The following SPSB4 variants were observed in gnomAD, a reference collection of about 807,000 sequenced individuals.
SPSB4 encodes SPRY domain-containing SOCS box protein 4.
A neutral mutation model predicts 20.9 loss-of-function variants in SPSB4; 21 were observed. That is an observed-to-expected ratio of 1.01 (90% CI 0.71 to 1.45). SPSB4 has a LOEUF of 1.45. SPSB4 is among the 40% of genes most tolerant of loss of function. The pLI, the probability that SPSB4 is intolerant of heterozygous loss-of-function variation, is 0.00. For synonymous variants in SPSB4, 207 were observed against 183.8 expected, an observed-to-expected ratio of 1.13 and a Z score of -1.02; for missense variants, 399 against 399.2, an observed-to-expected ratio of 1.00 and a Z score of 0.00.
At chr3:141,067,436 C>T (rs1212801241) in intron 2 of SPSB4, among the ~76,000 whole-genome samples, 1 of 152,140 alleles carries the variant, frequency 6.6e-6, no homozygotes, top group Non-Finnish European at 1.5e-5. Context: ...TGACTTTTTC[C>T]AAGAGAGCCC....
chr3:141,114,350 A>G (rs1276997355), intron 2 of SPSB4, among the ~76,000 whole-genome samples: 4 of 152,084 alleles, frequency 2.6e-5, no homozygotes, highest in African/African-American at 9.7e-5. Flanking sequence ...CCTGCAGCTG[A>G]CCTGGCACGT....
intron 1 of SPSB4, among the ~76,000 whole-genome samples, chr3:141,061,619 T>C (rs1449272167): frequency 1.3e-5 from 2 of 151,636 alleles, no homozygotes; most frequent in African/African-American, 4.8e-5. Flanking sequence ...ATTTTAATAA[T>C]TAATATTAAT....
At chr3:141,139,139 C>T (rs1939278535) in intron 2 of SPSB4, among the ~76,000 whole-genome samples, 1 of 152,128 alleles carries the variant, frequency 6.6e-6, no homozygotes, top group Non-Finnish European at 1.5e-5. Flanking sequence ...TCTGTTTTAT[C>T]AGAGACTAGG....
At chr3:141,089,913 G>A (rs913968980) in intron 2 of SPSB4, among the ~76,000 whole-genome samples, 1 of 152,070 alleles carries the variant, frequency 6.6e-6, no homozygotes, top group Admixed American at 6.5e-5. Context: ...TTGTTGTTTT[G>A]AAAGCAGCTG....
intron 2 of SPSB4, among the ~76,000 whole-genome samples, chr3:141,067,036 A>G (rs549470111): frequency 1.3e-5 from 2 of 152,332 alleles, no homozygotes; most frequent in East Asian, 3.9e-4. Context: ...ACGATCAAAT[A>G]AAGTAATAGT....
chr3:141,113,180 C>T (rs1276857773), intron 2 of SPSB4, among the ~76,000 whole-genome samples: 1 of 152,116 alleles, frequency 6.6e-6, no homozygotes, highest in Non-Finnish European at 1.5e-5. Context: ...TGGAGGAATT[C>T]CTGGTGAGAA....
At chr3:141,133,343 G>A (rs545423071) in intron 2 of SPSB4, among the ~76,000 whole-genome samples, 26 of 152,224 alleles carry the variant, frequency 1.7e-4, no homozygotes, top group African/African-American at 5.3e-4. Flanking sequence ...TTTGCTTTTA[G>A]GTTCTTGGTC....
At chr3:141,128,991 T>G (rs917171131) in intron 2 of SPSB4, among the ~76,000 whole-genome samples, 1 of 152,218 alleles carries the variant, frequency 6.6e-6, no homozygotes, top group Non-Finnish European at 1.5e-5. Flanking sequence ...GAAGCTCTTC[T>G]TTCAGAGCCA....
chr3:141,111,870 G>C lies in SPSB4; in HGVS notation c.695-35272G>C, dbSNP rs527573835. ...GCCATATTCATTTCTCAGGATCGTG[G>C]AACCCAAAACCTGTTCCTCAGAAGA... On this transcript the variant is annotated intron_variant, in intron 2 of 2. Transcript: ENST00000310546. Among the ~76,000 whole-genome samples the C allele has an allele frequency of 2.0e-5, 3 of 152,226 alleles. No homozygotes were observed. The South Asian group carries it at 6.2e-4, about 32-fold the overall frequency.
chr3:141,121,551 A>G (rs1448187144), intron 2 of SPSB4, among the ~76,000 whole-genome samples: 1 of 152,230 alleles, frequency 6.6e-6, no homozygotes, highest in Non-Finnish European at 1.5e-5. Context: ...AGGAATACCA[A>G]TCAAACATAG....
chr3:141,062,023 C>T (rs1166769675), intron 1 of SPSB4, among the ~76,000 whole-genome samples: 1 of 152,224 alleles, frequency 6.6e-6, no homozygotes, highest in Admixed American at 6.5e-5. Context: ...GTGTGAGCCA[C>T]CAAGCCCAGC....
intron 1 of SPSB4, among the ~76,000 whole-genome samples, chr3:141,054,411 A>C (rs892789106): frequency 1.3e-5 from 2 of 152,236 alleles, no homozygotes; most frequent in African/African-American, 4.8e-5. Flanking sequence ...AACTATAAAA[A>C]ATTTTTAAAC....
At chr3:141,099,645 A>G in intron 2 of SPSB4, among the ~76,000 whole-genome samples, 1 of 152,230 alleles carries the variant, frequency 6.6e-6, no homozygotes, top group East Asian at 1.9e-4. Flanking sequence ...TCAAAGCTTC[A>G]GATGTTGGTT....
At chr3:141,068,151 C>T (rs1330498886) in intron 2 of SPSB4, among the ~76,000 whole-genome samples, 1 of 152,190 alleles carries the variant, frequency 6.6e-6, no homozygotes, top group Non-Finnish European at 1.5e-5. Flanking sequence ...TTGATGGTTT[C>T]CAAGGGTGGC....
At chr3:141,130,438 A>G (rs1416224804) in intron 2 of SPSB4, among the ~76,000 whole-genome samples, 1 of 152,182 alleles carries the variant, frequency 6.6e-6, no homozygotes, top group African/African-American at 2.4e-5. Flanking sequence ...GTGCTTGCAC[A>G]TGTGTGTGTC....
chr3:141,136,262 C>G (rs1460731806), intron 2 of SPSB4, among the ~76,000 whole-genome samples: 1,917 of 151,912 alleles, frequency 0.013, 38 homozygotes, highest in African/African-American at 0.045. Context: ...TGAGTAGGTT[C>G]CAAAAATTTT....
chr3:141,137,733 T>C (rs912475015), intron 2 of SPSB4, among the ~76,000 whole-genome samples: 1 of 152,256 alleles, frequency 6.6e-6, no homozygotes, highest in Non-Finnish European at 1.5e-5. Context: ...TGGGTTTGGT[T>C]TGCCAGTGTT....
chr3:141,101,719 C>G (rs746289106), intron 2 of SPSB4, among the ~76,000 whole-genome samples: 4 of 152,212 alleles, frequency 2.6e-5, no homozygotes, highest in Non-Finnish European at 5.9e-5. Context: ...CACCTAAATT[C>G]TTTCCCACGT....
intron 2 of SPSB4, among the ~76,000 whole-genome samples, chr3:141,143,404 G>A (rs1939368105): frequency 6.6e-6 from 1 of 152,194 alleles, no homozygotes; most frequent in African/African-American, 2.4e-5. Context: ...GTCTAACCAT[G>A]CAGTGGGGCT....
Sources: gnomAD v4.1 joint callset for allele counts (sites outside exome capture counted in the v4.1 genomes callset) on GRCh38, gnomAD v4.1.1 for gene constraint, MANE v1.5 for transcripts, NCBI Gene and HGNC (gene_info 2026-07-23, HGNC 2026-07-21) for gene names.